SEC14L1: variants seen among roughly 807,000 people sequenced by gnomAD.
SEC14L1 encodes SEC14 like lipid binding 1.
A neutral mutation model predicts 85.3 loss-of-function variants in SEC14L1; 48 were observed. That is an observed-to-expected ratio of 0.56 (90% CI 0.45 to 0.72). The LOEUF (loss-of-function observed/expected upper bound fraction) is 0.72. Among genes scored for constraint, SEC14L1 ranks in the 30% least tolerant of loss-of-function variants. SEC14L1 has a pLI of 0.00. For synonymous variants in SEC14L1, 391 were observed against 355.5 expected, an observed-to-expected ratio of 1.10 and a Z score of -1.12; for missense variants, 682 against 921.4, an observed-to-expected ratio of 0.74 and a Z score of 3.36.
rs75249884 is a variant in SEC14L1 at position 77,212,925 on chromosome 17, C to T, written c.1864-389C>T. The stretch of plus-strand genomic sequence containing the variant: ...CTTTAGGGTGACGTGCCTTCAGCCC[C>T]GAACATGCTGGATGATTGGCAGCAT... On this transcript the variant is annotated intron_variant, in intron 15 of 16. Coordinates refer to ENST00000436233, the MANE Select transcript of SEC14L1 (RefSeq NM_001143998.2). Among the ~76,000 whole-genome samples, 27 of 152,318 alleles carry T rather than the reference C, an allele frequency of 1.8e-4. No homozygotes were observed. The East Asian group carries it at 4.6e-3, about 26-fold the overall frequency.
At position 77,215,628 on chromosome 17, in the gene SEC14L1, A is replaced by C; in HGVS notation, c.*1605A>C. On this transcript the variant is annotated 3_prime_UTR_variant, in exon 17 of 17. Coordinates refer to ENST00000436233, the MANE Select transcript of SEC14L1 (RefSeq NM_001143998.2). ...TAGACGTCCCAGGGCCTGTGCTGTG[A>C]TCACCTGCCTTTGGACCACATTTGT... 1 of 990,390 alleles carries C rather than the reference A, an allele frequency of 1.0e-6. No homozygotes were observed. Among genetic ancestry groups the C allele is most frequent in the Non-Finnish European group, 1.2e-6 (1 of 832,166 alleles). 61.4% of individuals were successfully genotyped at this position (990,390 alleles called of 1,614,324 possible).
intron 3 of SEC14L1, among the ~76,000 whole-genome samples, chr17:77,101,109 G>A (rs776503658): frequency 6.6e-6 from 1 of 151,922 alleles, no homozygotes; most frequent in Non-Finnish European, 1.5e-5. Flanking sequence ...AGCAAGTTAT[G>A]AATTTATTAA....
intron 3 of SEC14L1, among the ~76,000 whole-genome samples, chr17:77,148,265 G>T (rs959502008): frequency 6.6e-6 from 1 of 152,068 alleles, no homozygotes; most frequent in African/African-American, 2.4e-5. Context: ...TGGGAGAGAG[G>T]GAAGAACATG....
intron 3 of SEC14L1, among the ~76,000 whole-genome samples, chr17:77,169,056 A>G (rs910554258): frequency 5.9e-5 from 6 of 100,858 alleles, no homozygotes; most frequent in African/African-American, 2.4e-4. Context: ...CTGTCCTGTT[A>G]TGTTGACGGA....
Position 77,206,237 on chromosome 17 carries a change from C to T in SEC14L1, c.1178C>T (p.Thr393Ile). ...KVFGRPISSW[T>I]CLVDLEGLNM... Reference sequence around the variant, plus strand: ...CTCTGCACAACCTGCAGCTCATGGACCTGCCTGGTGGACTTGGAAGGGCTG... The same window carrying T: ...CTCTGCACAACCTGCAGCTCATGGATCTGCCTGGTGGACTTGGAAGGGCTG... Residue 393 changes from threonine (T) to isoleucine (I), a missense_variant, in exon 12 of 17, where the codon ACC becomes ATC. By Grantham distance (89) the Thr-to-Ile change is moderately conservative. Coordinates refer to ENST00000436233, the MANE Select transcript of SEC14L1 (RefSeq NM_001143998.2). This position sits in a 1 kb window ranked among gnomAD's most constrained non-coding sequence, Gnocchi z 4.3. 1 of 1,613,976 alleles carries T rather than the reference C, an allele frequency of 6.2e-7. No individual in the cohort carries two copies. Among genetic ancestry groups the T allele is most frequent in the Non-Finnish European group, 8.5e-7 (1 of 1,179,886 alleles).
At chr17:77,117,341 T>C (rs1020411966) in intron 3 of SEC14L1, among the ~76,000 whole-genome samples, 13 of 152,074 alleles carry the variant, frequency 8.5e-5, no homozygotes, top group African/African-American at 2.9e-4. Flanking sequence ...AGCGAGACTC[T>C]GTCTCAGAAA....
At chr17:77,165,389 T>G (rs1974239075) in intron 3 of SEC14L1, among the ~76,000 whole-genome samples, 1 of 152,048 alleles carries the variant, frequency 6.6e-6, no homozygotes, top group Non-Finnish European at 1.5e-5. Context: ...GAGACATCAG[T>G]CAGTATATGT....
At chr17:77,103,440 T>G (rs1320139547) in intron 3 of SEC14L1, among the ~76,000 whole-genome samples, 2 of 150,906 alleles carry the variant, frequency 1.3e-5, no homozygotes, top group African/African-American at 4.9e-5. Context: ...TGTTGTTTTT[T>G]TTTTGTTGTT....
intron 3 of SEC14L1, among the ~76,000 whole-genome samples, chr17:77,157,646 G>C (rs1348522121): frequency 6.6e-6 from 1 of 151,864 alleles, no homozygotes; most frequent in Non-Finnish European, 1.5e-5. Context: ...TTCTGCCTCA[G>C]CCTCCTGAGT....
rs992598409 is a variant in SEC14L1 at position 77,216,456 on chromosome 17, G to A, written c.*2433G>A. The stretch of plus-strand genomic sequence containing the variant: ...GGTTCGTAGGTAGGGTTAGTAGCGC[G>A]TCTGTGCTGCTTCCACCTGGTGCTT... On this transcript the variant is annotated 3_prime_UTR_variant, in exon 17 of 17. Transcript: ENST00000436233. 53 of 1,609,180 alleles carry A rather than the reference G, an allele frequency of 3.3e-5. No individual in the cohort carries two copies. The African/African-American group carries it at 5.1e-4, about 15-fold the overall frequency.
intron 3 of SEC14L1, among the ~76,000 whole-genome samples, chr17:77,161,385 G>A (rs556836808): frequency 2.8e-4 from 42 of 152,314 alleles, no homozygotes; most frequent in African/African-American, 9.4e-4. Flanking sequence ...TCCTGGGGCG[G>A]CTGAGGCGAG....
chr17:77,193,095 C>CCAAT (rs1975622230), intron 5 of SEC14L1, among the ~76,000 whole-genome samples: 1 of 152,222 alleles, frequency 6.6e-6, no homozygotes, highest in Non-Finnish European at 1.5e-5. Flanking sequence ...GCTTCCAAGG[C>CCAAT]CAATACCTCT....
intron 1 of SEC14L1, chr17:77,141,648 G>A (rs549199943): frequency 6.6e-6 from 1 of 152,338 alleles, no homozygotes; most frequent in Admixed American, 6.5e-5. Context: ...CGCGTAGGGC[G>A]TTTATCTGGA....
At chr17:77,089,851 A>G (rs1971463407) in intron 2 of SEC14L1, 1 of 172,322 alleles carries the variant, frequency 5.8e-6, no homozygotes, top group South Asian at 9.8e-5. Context: ...CCCCATTTCT[A>G]CTAAAAATAC....
At chr17:77,166,195 CCT>C (rs2143659524) in intron 3 of SEC14L1, among the ~76,000 whole-genome samples, 2 of 152,334 alleles carry the variant, frequency 1.3e-5, no homozygotes, top group East Asian at 3.9e-4. Flanking sequence ...CCCACCTTGG[CCT>C]CTCAAATTGC....
At chr17:77,203,489 T>C in intron 9 of SEC14L1, 81 bp from the exon 10 acceptor site, 1 of 1,227,466 alleles carries the variant, frequency 8.1e-7, no homozygotes, top group Non-Finnish European at 1.2e-6. Flanking sequence ...CGAACACATA[T>C]TCCTGTTAAG....
intron 3 of SEC14L1, among the ~76,000 whole-genome samples, chr17:77,149,142 G>A (rs1248946705): frequency 3.3e-5 from 5 of 152,138 alleles, no homozygotes; most frequent in African/African-American, 4.8e-5. Flanking sequence ...CCTTCCCCGG[G>A]ACACATTCTT....
chr17:77,097,640 T>A (rs1598214124), intron 3 of SEC14L1, among the ~76,000 whole-genome samples: 1 of 146,914 alleles, frequency 6.8e-6, no homozygotes, highest in African/African-American at 2.5e-5. Context: ...GGCGGGGGAG[T>A]GGGGAGAATG....
intron 3 of SEC14L1, among the ~76,000 whole-genome samples, chr17:77,123,633 G>A (rs1277068025): frequency 6.6e-6 from 1 of 150,768 alleles, no homozygotes; most frequent in Admixed American, 6.6e-5. Context: ...CCCAGGTCTC[G>A]AACTCCTGGG....
Sources: allele counts gnomAD v4.1 joint callset (sites outside exome capture counted in the v4.1 genomes callset), GRCh38; gene constraint gnomAD v4.1.1; non-coding constraint Gnocchi (gnomAD v3.1); transcripts MANE v1.5; gene names NCBI Gene and HGNC (gene_info 2026-07-23, HGNC 2026-07-21).